UGT8: variants seen among roughly 807,000 people sequenced by gnomAD.
The protein encoded by UGT8 is 2-hydroxyacylsphingosine 1-beta-galactosyltransferase.
Under a neutral mutation model 40.5 loss-of-function variants are expected in UGT8, and 12 were observed. The ratio of observed to expected loss-of-function variants is 0.30; its 90% CI spans 0.19 to 0.48. The LOEUF (loss-of-function observed/expected upper bound fraction) is 0.48, where lower values mean the gene tolerates loss of function less well. UGT8 is among the 20% of genes least tolerant of loss of function. UGT8 has a pLI of 0.99. For missense variants in UGT8, 513 were observed against 648.7 expected, an observed-to-expected ratio of 0.79 and a Z score of 2.27; for synonymous variants, 224 against 240.4, an observed-to-expected ratio of 0.93 and a Z score of 0.63.
At chr4:114,626,696 G>A (rs1289403636) in intron 2 of UGT8, among the ~76,000 whole-genome samples, 1 of 152,156 alleles carries the variant, frequency 6.6e-6, no homozygotes, top group Non-Finnish European at 1.5e-5. Flanking sequence ...GGCAAAGTCA[G>A]GTGTAATGTG....
chr4:114,661,475 A>G (rs1734532571), intron 2 of UGT8, among the ~76,000 whole-genome samples: 1 of 152,164 alleles, frequency 6.6e-6, no homozygotes, highest in Non-Finnish European at 1.5e-5. Flanking sequence ...TCCAATTTCA[A>G]AGTTTTGCCG....
chr4:114,633,568 C>T (rs1212547767), intron 2 of UGT8, among the ~76,000 whole-genome samples: 2 of 152,182 alleles, frequency 1.3e-5, no homozygotes, highest in Non-Finnish European at 2.9e-5. Context: ...TGATATCATG[C>T]AAAGCCTTGT....
chr4:114,670,804 G>C (rs1025596220), intron 5 of UGT8, among the ~76,000 whole-genome samples: 3 of 152,158 alleles, frequency 2.0e-5, no homozygotes, highest in Admixed American at 6.6e-5. Context: ...AGTATTGCAA[G>C]TTCTGGCCAG....
At chr4:114,641,267 A>T (rs550543764) in intron 2 of UGT8, among the ~76,000 whole-genome samples, 15 of 152,324 alleles carry the variant, frequency 9.8e-5, no homozygotes, top group South Asian at 8.3e-4. Context: ...TAAGAGCATC[A>T]TTAGGAGCTT....
At chr4:114,663,590 A>G (rs1734680246) in intron 2 of UGT8, 2 of 572,186 alleles carry the variant, frequency 3.5e-6, no homozygotes, top group Non-Finnish European at 2.2e-6. Flanking sequence ...AAAAATTTGT[A>G]AATGATACAT....
intron 2 of UGT8, among the ~76,000 whole-genome samples, chr4:114,660,860 C>T (rs1734483125): frequency 6.7e-6 from 1 of 148,954 alleles, no homozygotes; most frequent in Non-Finnish European, 1.5e-5. Flanking sequence ...CACTGCACTC[C>T]AGCCTGGGTG....
intron 1 of UGT8, among the ~76,000 whole-genome samples, chr4:114,600,788 C>G (rs1730397667): frequency 6.6e-6 from 1 of 151,878 alleles, no homozygotes; most frequent in Admixed American, 6.6e-5. Flanking sequence ...GCTTAGTTTT[C>G]TCCTATAGAA....
At chr4:114,673,685 CCTT>C (rs1196522560) in intron 5 of UGT8, among the ~76,000 whole-genome samples, 6 of 152,094 alleles carry the variant, frequency 3.9e-5, no homozygotes, top group Admixed American at 6.5e-5. Flanking sequence ...TTGTTTTTAT[CCTT>C]CTTTTCCATC....
chr4:114,632,834 A>T (rs1420420091), intron 2 of UGT8, among the ~76,000 whole-genome samples: 5 of 152,204 alleles, frequency 3.3e-5, no homozygotes, highest in African/African-American at 1.2e-4. Context: ...ACGTAATCCG[A>T]AGTTGCAAAA....
At chr4:114,665,337 T>C in intron 3 of UGT8, 2 of 978,618 alleles carry the variant, frequency 2.0e-6, no homozygotes, top group Non-Finnish European at 2.4e-6. Flanking sequence ...TGTTCCAGCT[T>C]CTGGCTGTTT....
intron 2 of UGT8, among the ~76,000 whole-genome samples, chr4:114,653,856 T>C (rs974051151): frequency 6.6e-6 from 1 of 152,100 alleles, no homozygotes; most frequent in African/African-American, 2.4e-5. Context: ...AAATGGACTA[T>C]GAACTTCTGA....
At chr4:114,633,906 T>A (rs1456303368) in intron 2 of UGT8, among the ~76,000 whole-genome samples, 2 of 151,608 alleles carry the variant, frequency 1.3e-5, no homozygotes, top group East Asian at 3.9e-4. Flanking sequence ...ATGGCGCCAC[T>A]GCACTCCAGC....
intron 2 of UGT8, among the ~76,000 whole-genome samples, chr4:114,644,798 G>C (rs1324957511): frequency 6.6e-6 from 1 of 152,048 alleles, no homozygotes; most frequent in East Asian, 1.9e-4. Flanking sequence ...GGTGTGTTGA[G>C]CATGGAGTTG....
At position 114,623,076 on chromosome 4, in the gene UGT8, A is replaced by G. The variant is rs750548143; in HGVS notation, c.196A>G (p.Asn66Asp). Reference protein sequence around the residue: ...LSEGRDIAPSNHYSLQRYPGI... With the variant: ...LSEGRDIAPSDHYSLQRYPGI... ...TGAAGGCAGAGACATCGCCCCATCT[A>G]ATCATTACAGCCTCCAGCGCTACCC... is the stretch of plus-strand genomic sequence containing the variant. The change falls in exon 2 of 6, where the codon AAT (asparagine) becomes GAT (aspartate). Residue 66 changes from asparagine to aspartate, a missense_variant. Physicochemically the swap from Asn to Asp is conservative, Grantham distance 23. Transcript: ENST00000310836. The G allele has an allele frequency of 3.1e-6, 5 of 1,614,148 alleles. No individual in the cohort carries two copies. In the Admixed American group the frequency reaches 6.7e-5, roughly 22 times the overall value.
intron 2 of UGT8, among the ~76,000 whole-genome samples, chr4:114,650,789 AAAAAC>A (rs1380932622): frequency 6.6e-6 from 1 of 152,172 alleles, no homozygotes; most frequent in African/African-American, 2.4e-5. Flanking sequence ...AAAACAAAAC[AAAAAC>A]AAAACTTTTG....
At chr4:114,669,454 G>A (rs1415846297) in intron 5 of UGT8, among the ~76,000 whole-genome samples, 2 of 151,966 alleles carry the variant, frequency 1.3e-5, no homozygotes, top group Non-Finnish European at 2.9e-5. Context: ...GTGTGTGTAT[G>A]TATGTATCTA....
intron 2 of UGT8, among the ~76,000 whole-genome samples, chr4:114,651,990 A>T (rs1733919817): frequency 6.6e-6 from 1 of 152,018 alleles, no homozygotes; most frequent in East Asian, 1.9e-4. Context: ...AGGAATTTAT[A>T]GTCTGCAAAA....
At chr4:114,621,198 C>T (rs954264056) in intron 1 of UGT8, among the ~76,000 whole-genome samples, 1 of 152,168 alleles carries the variant, frequency 6.6e-6, no homozygotes, top group African/African-American at 2.4e-5. Flanking sequence ...CAGGCATCCT[C>T]TGACTTGACA....
chr4:114,676,627 ATG>A lies in UGT8; in HGVS notation c.*351_*352del, dbSNP rs771625987. 8.5e-4 allele frequency: 187 copies of A among 219,892 alleles called. No homozygotes were observed. The highest frequency in any genetic ancestry group is 1.8e-3 in the South Asian group (23 of 12,558). The allele number at this position is 219,892 out of a possible 1,614,324, so 13.6% of individuals were successfully genotyped here. ...AGGAATGGTTTCATTTTTCTTAATA[ATG>A]TGTGTGTGTGTATGTGTGTGTGTGT... On this transcript the variant is annotated 3_prime_UTR_variant, in exon 6 of 6. Transcript: ENST00000310836.
Sources: gnomAD v4.1 joint callset for allele counts (sites outside exome capture counted in the v4.1 genomes callset) on GRCh38, gnomAD v4.1.1 for gene constraint, MANE v1.5 for transcripts, NCBI Gene and HGNC (gene_info 2026-07-23, HGNC 2026-07-21) for gene names.